RPTOR: variants seen among roughly 807,000 people sequenced by gnomAD.
The protein encoded by RPTOR is regulatory-associated protein of mTOR.
In RPTOR, 21 loss-of-function variants were observed where a neutral mutation model predicts 169.9. The observed-to-expected ratio is 0.12, with a 90% CI of 0.09 to 0.18. RPTOR has a LOEUF of 0.18. Among genes scored for constraint, RPTOR ranks in the 10% least tolerant of loss-of-function variants. The pLI is 1.00. For synonymous variants in RPTOR, 732 were observed against 753.2 expected (o/e 0.97, Z 0.46); for missense variants, 1,133 against 1,855.9 (o/e 0.61, Z 7.16).
chr17:80,600,955 G>T (rs555824431), intron 1 of RPTOR, among the ~76,000 whole-genome samples: 1 of 151,656 alleles, frequency 6.6e-6, no homozygotes, highest in South Asian at 2.1e-4. Context: ...GTGTAACTGT[G>T]AAACGCCTCC....
chr17:80,854,550 T>C (rs1411965330), intron 11 of RPTOR, among the ~76,000 whole-genome samples: 1 of 152,254 alleles, frequency 6.6e-6, no homozygotes, highest in Admixed American at 6.5e-5. Flanking sequence ...AAGAATCATG[T>C]ACATGTGCCG....
intron 3 of RPTOR, among the ~76,000 whole-genome samples, chr17:80,684,299 A>G (rs1413521866): frequency 6.6e-6 from 1 of 151,704 alleles, no homozygotes; most frequent in African/African-American, 2.4e-5. Flanking sequence ...AACTGTATAA[A>G]GCTAGAGTCA....
intron 20 of RPTOR, among the ~76,000 whole-genome samples, chr17:80,899,497 A>G (rs4969296): frequency 0.83 from 126,468 of 152,268 alleles, 52,850 homozygotes; most frequent in African/African-American, 0.92. Context: ...GCTCCTGTGA[A>G]TAGCTCTCTA....
At chr17:80,894,009 G>A (rs969212043) in intron 20 of RPTOR, 144 bp downstream of exon 20, 5 of 848,796 alleles carry the variant, frequency 5.9e-6, no homozygotes, top group East Asian at 3.0e-5. Context: ...ACAGGACTGC[G>A]AGGCAGGGAG....
intron 6 of RPTOR, among the ~76,000 whole-genome samples, chr17:80,788,392 G>A (rs1007628739): frequency 2.0e-5 from 3 of 152,056 alleles, no homozygotes; most frequent in Non-Finnish European, 4.4e-5. Context: ...AGGTTGCCGT[G>A]AGCCAAAATC....
intron 5 of RPTOR, among the ~76,000 whole-genome samples, chr17:80,751,581 G>C (rs12600633): frequency 6.6e-6 from 1 of 152,156 alleles, no homozygotes; most frequent in East Asian, 1.9e-4. Flanking sequence ...GGAGCGCATC[G>C]CAGCCCTCGG....
chr17:80,910,909 C>T (rs1427762252), intron 21 of RPTOR, among the ~76,000 whole-genome samples: 1 of 151,344 alleles, frequency 6.6e-6, no homozygotes, highest in Non-Finnish European at 1.5e-5. Context: ...CAGCTCACTG[C>T]AGCCTCCGCC....
intron 22 of RPTOR, among the ~76,000 whole-genome samples, 188 bp from the exon 23 acceptor site, chr17:80,923,302 C>G (rs1022596098): frequency 6.6e-6 from 1 of 152,204 alleles, no homozygotes; most frequent in Non-Finnish European, 1.5e-5. Context: ...GGCGGGCAAC[C>G]GAGCAGCATG....
intron 2 of RPTOR, among the ~76,000 whole-genome samples, chr17:80,638,468 C>T (rs2065526430): frequency 1.5e-5 from 2 of 133,266 alleles, no homozygotes; most frequent in Admixed American, 8.5e-5. Flanking sequence ...GTGGTGTGAT[C>T]ATGGCTCACT....
intron 1 of RPTOR, among the ~76,000 whole-genome samples, chr17:80,611,614 T>C (rs1042133986): frequency 1.3e-5 from 2 of 152,102 alleles, no homozygotes; most frequent in Non-Finnish European, 2.9e-5. Flanking sequence ...ACACATCTCA[T>C]AAGAATTCAA....
chr17:80,964,195 G>GCCCCC lies in RPTOR; in HGVS notation c.3940-64_3940-60dup. 2.7e-6 allele frequency: 3 copies of GCCCCC among 1,105,614 alleles called. No individual in the cohort carries two copies. The Admixed American group carries it at 5.7e-5, about 21-fold the overall frequency. The allele number at this position is 1,105,614 out of a possible 1,614,324, so 68.5% of individuals were successfully genotyped here. On this transcript the variant is annotated intron_variant, in intron 33 of 33. Transcript: ENST00000306801. ...TGCCTAAGGATGCGGGTTGGCCTGC[G>GCCCCC]CCCCCCCGCCCCCCGCAGTGTCTGC... is the stretch of plus-strand genomic sequence containing the variant.
At chr17:80,554,156 G>A (rs1175516235) in intron 1 of RPTOR, among the ~76,000 whole-genome samples, 4 of 151,928 alleles carry the variant, frequency 2.6e-5, no homozygotes, top group Non-Finnish European at 5.9e-5. Flanking sequence ...CTCCTGAGTC[G>A]CTGGGACTAC....
intron 1 of RPTOR, among the ~76,000 whole-genome samples, chr17:80,604,975 G>A (rs2065218414): frequency 6.6e-6 from 1 of 151,492 alleles, no homozygotes; most frequent in Non-Finnish European, 1.5e-5. Context: ...TGCCCAGCTG[G>A]TCTTTAGCTC....
At chr17:80,558,409 G>A (rs544706262) in intron 1 of RPTOR, among the ~76,000 whole-genome samples, 64 of 152,286 alleles carry the variant, frequency 4.2e-4, no homozygotes, top group Admixed American at 3.5e-3. Context: ...GGAGACAGTC[G>A]CCGAGAACAA....
At position 80,763,699 on chromosome 17, in the gene RPTOR, G is replaced by A. The variant is rs140323140; in HGVS notation, c.830+9514G>A. On this transcript the variant is annotated intron_variant, in intron 6 of 33. Transcript: ENST00000306801. The stretch of plus-strand genomic sequence containing the variant: ...GACCATTCACAAAAATAAATCATGC[G>A]CCCGACTACAAAGAAAGCTTTACTA... Among the ~76,000 whole-genome samples, 234 of 152,274 alleles carry A rather than the reference G, an allele frequency of 1.5e-3. 1 individual carries two copies. The highest frequency in any genetic ancestry group is 3.4e-3 in the Middle Eastern group (1 of 294).
At chr17:80,568,448 T>C (rs970497538) in intron 1 of RPTOR, among the ~76,000 whole-genome samples, 4 of 152,222 alleles carry the variant, frequency 2.6e-5, no homozygotes, top group African/African-American at 7.2e-5. Flanking sequence ...GTCTTACTTT[T>C]GTTCTCTAGT....
At chr17:80,665,383 C>T (rs1478089822) in intron 3 of RPTOR, among the ~76,000 whole-genome samples, 2 of 5,588 alleles carry the variant, frequency 3.6e-4, no homozygotes, top group Non-Finnish European at 5.4e-4. Context: ...CTTTCCTTTC[C>T]TTTCCTTTCC....
intron 7 of RPTOR, among the ~76,000 whole-genome samples, chr17:80,806,154 T>C (rs1455166787): frequency 6.6e-6 from 1 of 152,218 alleles, no homozygotes; most frequent in African/African-American, 2.4e-5. Context: ...GGTGGAATTA[T>C]GGAACTTTCT....
chr17:80,616,605 G>C (rs2065312791), intron 1 of RPTOR, among the ~76,000 whole-genome samples: 1 of 152,128 alleles, frequency 6.6e-6, no homozygotes, highest in South Asian at 2.1e-4. Flanking sequence ...CCTGAAAGTT[G>C]AAAATCTTGT....
Sources: gnomAD v4.1 joint callset for allele counts (sites outside exome capture counted in the v4.1 genomes callset) on GRCh38, gnomAD v4.1.1 for gene constraint, MANE v1.5 for transcripts, NCBI Gene and HGNC (gene_info 2026-07-23, HGNC 2026-07-21) for gene names.